CCDC73: variants seen among roughly 807,000 people sequenced by gnomAD.
CCDC73 encodes the protein coiled-coil domain-containing protein 73.
In CCDC73, 95 loss-of-function variants were observed where a neutral mutation model predicts 116.5. The observed-to-expected ratio is 0.82, with a 90% CI of 0.69 to 0.97. CCDC73 has a LOEUF of 0.97. Ranked by LOEUF, CCDC73 falls within the 50% of genes least tolerant of loss-of-function variation. The probability of loss-of-function intolerance (pLI) is 0.00; values close to 1 mark genes in which losing one functional copy is unlikely to be tolerated. For missense variants in CCDC73, 1,066 were observed against 1,206.8 expected (o/e 0.88, Z 1.73); for synonymous variants, 398 against 401.3 (o/e 0.99, Z 0.10).
At chr11:32,783,121 G>C (rs965569721) in intron 1 of CCDC73, among the ~76,000 whole-genome samples, 3 of 150,888 alleles carry the variant, frequency 2.0e-5, no homozygotes, top group African/African-American at 7.3e-5. Context: ...TGAAATAACA[G>C]AACACTAGAG....
intron 3 of CCDC73, among the ~76,000 whole-genome samples, chr11:32,716,893 GGACTGT>G (rs1362473832): frequency 6.6e-6 from 1 of 152,074 alleles, no homozygotes; most frequent in Non-Finnish European, 1.5e-5. Context: ...CTTACCTTAG[GGACTGT>G]GATAACTTTA....
At chr11:32,611,541 C>G (rs1855422539) in intron 16 of CCDC73, among the ~76,000 whole-genome samples, 1 of 152,078 alleles carries the variant, frequency 6.6e-6, no homozygotes, top group African/African-American at 2.4e-5. Flanking sequence ...CCTTCTAAAA[C>G]AAAATAACTC....
At position 32,635,756 on chromosome 11, in the gene CCDC73, T is replaced by A. The variant is rs749507646; in HGVS notation, c.1125A>T (p.Leu375Phe). Residue 375 changes from leucine (L) to phenylalanine (F), a missense_variant, in exon 14 of 18, where the codon TTA becomes TTT. Transcript: ENST00000335185. ...LSSLKETHIK[L>F]QEHYNKLCNQ... ...TGCATAATTTGTTATAATGTTCTTGTAACTTAATATGAGTTTCTTTAAGGG... is the reference window on the plus strand; with the variant it reads ...TGCATAATTTGTTATAATGTTCTTGAAACTTAATATGAGTTTCTTTAAGGG... The A allele has an allele frequency of 1.6e-6, 2 of 1,288,758 alleles. No individual in the cohort carries two copies. Among genetic ancestry groups the A allele is most frequent in the African/African-American group, 3.1e-5 (2 of 65,440 alleles). 79.8% of individuals were successfully genotyped at this position (1,288,758 alleles called of 1,614,324 possible).
intron 2 of CCDC73, among the ~76,000 whole-genome samples, chr11:32,747,990 T>C (rs1428823217): frequency 6.6e-6 from 1 of 152,150 alleles, no homozygotes; most frequent in Non-Finnish European, 1.5e-5. Context: ...AAACCAGGTA[T>C]CTCAGTTGGA....
the CCDC73 span, among the ~76,000 whole-genome samples, chr11:32,807,120 A>G: frequency 6.6e-6 from 1 of 152,184 alleles, no homozygotes; most frequent in Non-Finnish European, 1.5e-5. Context: ...ACAGGTTCAC[A>G]TTATTGCTAA....
intron 3 of CCDC73, among the ~76,000 whole-genome samples, chr11:32,712,838 A>G (rs1849914277): frequency 6.6e-6 from 1 of 152,012 alleles, no homozygotes; most frequent in South Asian, 2.1e-4. Context: ...ACAGGTTAAA[A>G]TGCTTTTATA....
At chr11:32,809,038 A>G in the CCDC73 span, among the ~76,000 whole-genome samples, 84 of 152,330 alleles carry the variant, frequency 5.5e-4, 1 homozygote, top group East Asian at 0.012. Flanking sequence ...AGTAAAAAAT[A>G]TGTGTTTGAC....
rs190356018 is a variant in CCDC73 at position 32,670,631 on chromosome 11, T to C, written c.645+4934A>G. Among the ~76,000 whole-genome samples the C allele has an allele frequency of 5.3e-5, 8 of 152,350 alleles. No homozygotes were observed. In the East Asian group the frequency reaches 1.3e-3, roughly 26 times the overall value. ...ATAACAGGTATATGGGTAAAACTTA[T>C]ATTTGGATAAAATGGCTTTTAATTC... On this transcript the variant is annotated intron_variant, in intron 9 of 17. Transcript: ENST00000335185.
At chr11:32,628,167 C>T (rs866629338) in intron 14 of CCDC73, among the ~76,000 whole-genome samples, 4 of 152,032 alleles carry the variant, frequency 2.6e-5, no homozygotes, top group Non-Finnish European at 5.9e-5. Flanking sequence ...CAATGAACTA[C>T]AAACAGGGAA....
the CCDC73 span, among the ~76,000 whole-genome samples, chr11:32,821,294 C>T: frequency 1.3e-5 from 2 of 152,104 alleles, no homozygotes; most frequent in South Asian, 2.1e-4. Context: ...TTACAACAGA[C>T]TCTATACAAA....
chr11:32,824,017 C>T, the CCDC73 span, among the ~76,000 whole-genome samples: 2 of 152,202 alleles, frequency 1.3e-5, no homozygotes, highest in African/African-American at 4.8e-5. Flanking sequence ...GCCTCAGCCT[C>T]CAGAGTAGCT....
chr11:32,751,095 C>G (rs775240566), intron 2 of CCDC73, among the ~76,000 whole-genome samples: 8 of 152,164 alleles, frequency 5.3e-5, no homozygotes, highest in Non-Finnish European at 1.0e-4. Flanking sequence ...CAGGATGTGT[C>G]TAGAAATGTT....
chr11:32,708,747 G>A (rs1383218879), intron 3 of CCDC73, among the ~76,000 whole-genome samples: 1 of 152,142 alleles, frequency 6.6e-6, no homozygotes, highest in Admixed American at 6.5e-5. Flanking sequence ...CTACTGATTT[G>A]TGTACATTAA....
chr11:32,790,387 T>C (rs1167061913), intron 1 of CCDC73, among the ~76,000 whole-genome samples: 2 of 152,202 alleles, frequency 1.3e-5, no homozygotes, highest in African/African-American at 2.4e-5. Context: ...CATTCTGTTA[T>C]TGTCTATTCC....
chr11:32,760,196 T>C lies in CCDC73; in HGVS notation c.48A>G (p.Gln16=), dbSNP rs1429077431. The part of the protein sequence containing the change: ...NTESSSTFTL[Q]SSSETLFSIQ... ...TAGAAAACAATGTCTCTGAAGAACT[T>C]TGAAGAGTAAAAGTAGATGATGACT... Residue 16 remains glutamine (Q), a synonymous_variant, in exon 2 of 18, where the codon CAA becomes CAG. Coordinates refer to ENST00000335185, the MANE Select transcript of CCDC73 (RefSeq NM_001008391.4). The C allele has an allele frequency of 1.9e-6, 3 of 1,593,434 alleles. No individual in the cohort carries two copies. The highest frequency in any genetic ancestry group is 2.6e-6 in the Non-Finnish European group (3 of 1,166,006).
chr11:32,757,145 G>A (rs1207661946), intron 2 of CCDC73, among the ~76,000 whole-genome samples: 3 of 151,384 alleles, frequency 2.0e-5, no homozygotes. Flanking sequence ...CACACAACAA[G>A]AATAAATCTC....
chr11:32,614,272 A>C lies in CCDC73; in HGVS notation c.2046T>G (p.Thr682=). The change falls in exon 16 of 18, where the codon ACT becomes ACG. Residue 682 remains threonine, a synonymous_variant. Coordinates refer to ENST00000335185, the MANE Select transcript of CCDC73 (RefSeq NM_001008391.4). ...SECSILLSKQ[T]SDFLQVCNDT... Reference sequence around the variant, plus strand: ...CATTACAGACTTGCAGAAAATCTGAAGTTTGTTTAGAAAGTAATATGCTGC... The same window carrying C: ...CATTACAGACTTGCAGAAAATCTGACGTTTGTTTAGAAAGTAATATGCTGC... The C allele has an allele frequency of 6.2e-7, 1 of 1,613,698 alleles. No individual in the cohort carries two copies. Among genetic ancestry groups the C allele is most frequent in the South Asian group, 1.1e-5 (1 of 91,060 alleles).
At chr11:32,704,893 G>C (rs913212992) in intron 3 of CCDC73, among the ~76,000 whole-genome samples, 8 of 152,240 alleles carry the variant, frequency 5.3e-5, no homozygotes, top group African/African-American at 1.9e-4. Context: ...TCCACTGAGA[G>C]CTGTTTGGTC....
intron 16 of CCDC73, 94 bp from the exon 17 acceptor site, chr11:32,611,359 T>A (rs954151408): frequency 2.8e-6 from 3 of 1,062,746 alleles, no homozygotes; most frequent in Admixed American, 5.0e-5. Flanking sequence ...CTTTTGTATT[T>A]AAAAAGCAAC....
Sources: allele counts gnomAD v4.1 joint callset (sites outside exome capture counted in the v4.1 genomes callset), GRCh38; gene constraint gnomAD v4.1.1; transcripts MANE v1.5; gene names NCBI Gene and HGNC (gene_info 2026-07-23, HGNC 2026-07-21).